Variants in RTL1 observed in about 807,000 individuals in gnomAD.
The protein encoded by RTL1 is retrotransposon Gag like 1.
For synonymous variants in RTL1, 727 were observed against 748.4 expected (o/e 0.97, Z 0.47); for missense variants, 1,681 against 1,767.5 (o/e 0.95, Z 0.88).
chr14:100,890,850 G>A (rs1324463589), intron 3 of RTL1, among the ~76,000 whole-genome samples: 1 of 152,168 alleles, frequency 6.6e-6, no homozygotes, highest in Admixed American at 6.5e-5. Context: ...GTGGATGGAA[G>A]GCACAGCGTC....
At chr14:100,892,841 G>A (rs200364278) in intron 3 of RTL1, among the ~76,000 whole-genome samples, 1 of 152,132 alleles carries the variant, frequency 6.6e-6, no homozygotes, top group Non-Finnish European at 1.5e-5. Context: ...TGTGTCAGGC[G>A]TGATTCTAGC....
chr14:100,891,389 A>C (rs1359551201), intron 3 of RTL1, among the ~76,000 whole-genome samples: 3 of 152,176 alleles, frequency 2.0e-5, no homozygotes, highest in African/African-American at 7.2e-5. Flanking sequence ...AGTCTTTGGA[A>C]GGAGGAACAG....
At position 100,883,221 on chromosome 14, in the gene RTL1, C is replaced by CAGCG. The variant is rs1264326756; in HGVS notation, c.1564_1567dup (p.Cys523SerfsTer46). On this transcript the variant is annotated frameshift_variant, in exon 4 of 4. Transcript: ENST00000649591. LOFTEE classifies it low-confidence loss of function (END_TRUNC). The surrounding 1 kb of genome is among the most constrained non-coding windows in gnomAD (Gnocchi z 5.9). ...CAGGCAGTAGGGAGAGTGGAAGGTG[C>CAGCG]AGCGGCCTTTGATCCAGTCGACTTC... 1 of 1,553,670 alleles carries CAGCG rather than the reference C, an allele frequency of 6.4e-7. No homozygotes were observed. Among genetic ancestry groups the CAGCG allele is most frequent in the African/African-American group, 1.4e-5 (1 of 73,152 alleles).
intron 2 of RTL1, among the ~76,000 whole-genome samples, chr14:100,896,582 G>A (rs1048794857): frequency 4.0e-5 from 6 of 151,412 alleles, no homozygotes; most frequent in African/African-American, 1.5e-4. Context: ...GAAGCTTAGT[G>A]TGCAAGCAGG....
At position 100,883,499 on chromosome 14, in the gene RTL1, A is replaced by G; in HGVS notation, c.1290T>C (p.Asp430=). 1 of 1,551,438 alleles carries G rather than the reference A, an allele frequency of 6.4e-7. No individual in the cohort carries two copies. Among genetic ancestry groups the G allele is most frequent in the African/African-American group, 1.4e-5 (1 of 73,150 alleles). ...CCATGAAGTTGCCGTCAGCTCCCGA[A>G]TCCACCAGGGCCTGGACCGCGACGC... is the stretch of plus-strand genomic sequence containing the variant. ...YHSVAVQALV[D]SGADGNFMDE... Residue 430 remains aspartate, a synonymous_variant, in exon 4 of 4, where the codon GAT becomes GAC. Coordinates refer to ENST00000649591, the MANE Select transcript of RTL1 (RefSeq NM_001134888.3). The surrounding 1 kb of genome is among the most constrained non-coding windows in gnomAD (Gnocchi z 5.9).
chr14:100,884,212 T>C lies in RTL1; in HGVS notation c.577A>G (p.Lys193Glu). The change falls in exon 4 of 4, where the codon AAA becomes GAA. Residue 193 changes from lysine to glutamate, a missense_variant. Coordinates refer to ENST00000649591, the MANE Select transcript of RTL1 (RefSeq NM_001134888.3). The stretch of plus-strand genomic sequence containing the variant: ...GGCAGTTGGCCTGCATTGATCCCTT[T>C]GATCAAGATCTCTTCTGCTACTCTC... ...QQRVAEEILI[K>E]GINAGQLPAP... 8.4e-6 allele frequency: 13 copies of C among 1,551,782 alleles called. No individual in the cohort carries two copies. Among genetic ancestry groups the C allele is most frequent in the Non-Finnish European group, 1.1e-5 (13 of 1,146,994 alleles).
intron 2 of RTL1, chr14:100,898,129 G>A: frequency 3.7e-6 from 1 of 267,996 alleles, no homozygotes; most frequent in African/African-American, 2.2e-5. Context: ...GGGAGGAGAA[G>A]CTTTGGTCAC....
chr14:100,894,097 G>A (rs568493984), intron 2 of RTL1, among the ~76,000 whole-genome samples: 3 of 152,262 alleles, frequency 2.0e-5, no homozygotes, highest in African/African-American at 7.2e-5. Context: ...AGCATTTGAG[G>A]TCAGGAGTTC....
intron 2 of RTL1, among the ~76,000 whole-genome samples, chr14:100,894,450 T>A (rs1325947364): frequency 6.6e-6 from 1 of 152,250 alleles, no homozygotes; most frequent in Non-Finnish European, 1.5e-5. Flanking sequence ...GCCACCTGCA[T>A]GCGCCATTCA....
chr14:100,881,407 G>C lies in RTL1; in HGVS notation c.3382C>G (p.Leu1128Val). ...PQPQRSLRLI[L>V]DSSLIAGSSI... ...CTGCCTGCGATGAGGGACGAATCCA[G>C]GATGAGTCGTAGGGAGCGCTGGGGC... The change falls in exon 4 of 4, where the codon CTG becomes GTG. Residue 1128 changes from leucine (L) to valine (V), a missense_variant. By Grantham distance (32) the Leu-to-Val change is conservative. Coordinates refer to ENST00000649591, the MANE Select transcript of RTL1 (RefSeq NM_001134888.3). This position sits in a 1 kb window ranked among gnomAD's most constrained non-coding sequence, Gnocchi z 6.6. The C allele has an allele frequency of 6.4e-7, 1 of 1,550,860 alleles. No homozygotes were observed. Among genetic ancestry groups the C allele is most frequent in the Non-Finnish European group, 8.7e-7 (1 of 1,146,980 alleles).
rs1490853709 is a variant in RTL1, at chr14:100,882,578, G to C, written c.2211C>G (p.Ile737Met). 1.9e-6 allele frequency: 3 copies of C among 1,551,700 alleles called. No individual in the cohort carries two copies. Among genetic ancestry groups the C allele is most frequent in the Non-Finnish European group, 2.6e-6 (3 of 1,147,058 alleles). ...GGTGCTCCTCCTGACTCATTGAGTA[G>C]ATCAGGACTTCCTGGCCATAAGAAA... is the stretch of plus-strand genomic sequence containing the variant. ...FVLSYGQEVL[I>M]YSMSQEEHLH... The change falls in exon 4 of 4, where the codon ATC becomes ATG. Residue 737 changes from isoleucine to methionine, a missense_variant. By Grantham distance (10) the Ile-to-Met change is conservative (BLOSUM62 1). Transcript: ENST00000649591.
chr14:100,886,248 G>A (rs1350643740), intron 3 of RTL1, among the ~76,000 whole-genome samples: 4 of 149,154 alleles, frequency 2.7e-5, no homozygotes, highest in Admixed American at 1.3e-4. Flanking sequence ...TCCCCCTTAC[G>A]TGAAACTCAT....
At chr14:100,891,478 A>C (rs953850560) in intron 3 of RTL1, among the ~76,000 whole-genome samples, 3 of 152,124 alleles carry the variant, frequency 2.0e-5, no homozygotes, top group African/African-American at 7.2e-5. Flanking sequence ...TCTTCTGTAG[A>C]GGGACCCCCA....
In RTL1 at chr14:100,880,989, G is replaced by T; in HGVS notation, c.3800C>A (p.Ala1267Asp). The change falls in exon 4 of 4, where the codon GCC becomes GAC. Residue 1267 changes from alanine (A) to aspartate (D), a missense_variant. Transcript: ENST00000649591. ...GGTGGCTGCTGTGTGGCTGGGTGGG[G>T]CCTCCTGCACGTCGTTGTCCTGCTT... Reference protein sequence around the residue: ...QDKQDNDVQEAPPSHTAATHP... With the variant: ...QDKQDNDVQEDPPSHTAATHP... 1 of 1,562,190 alleles carries T rather than the reference G, an allele frequency of 6.4e-7. No individual in the cohort carries two copies. Among genetic ancestry groups the T allele is most frequent in the Non-Finnish European group, 8.7e-7 (1 of 1,154,044 alleles).
rs1233532654 is a variant in RTL1 at position 100,882,452 on chromosome 14, G to C, written c.2337C>G (p.Gly779=). 6.4e-7 allele frequency: 1 copy of C among 1,552,134 alleles called. No homozygotes were observed. The highest frequency in any genetic ancestry group is 2.0e-5 in the Admixed American group (1 of 51,016). ...QFHRQTVEFL[G]FVVTPKGVKL... is the part of the protein sequence containing the mutation. ...TCACCCCTTTGGGGGTGACGACGAA[G>C]CCCAGGAATTCCACGGTTTGGCGGT... is the stretch of plus-strand genomic sequence containing the variant. The change falls in exon 4 of 4, where the codon GGC becomes GGG. Residue 779 remains glycine (G), a synonymous_variant. Transcript: ENST00000649591.
chr14:100,898,817 A>T (rs546203943), intron 2 of RTL1: 1 of 152,266 alleles, frequency 6.6e-6, no homozygotes, highest in Non-Finnish European at 1.5e-5. Flanking sequence ...CTGTGTTCAG[A>T]AGCCCACCGA....
At chr14:100,885,528 T>G (rs2038686118) in intron 3 of RTL1, among the ~76,000 whole-genome samples, 2 of 151,964 alleles carry the variant, frequency 1.3e-5, no homozygotes, top group South Asian at 2.1e-4. Context: ...TCTGGGTTTT[T>G]TTTTTTTTTT....
intron 2 of RTL1, among the ~76,000 whole-genome samples, chr14:100,898,538 G>A (rs1042404072): frequency 4.6e-5 from 7 of 152,222 alleles, no homozygotes; most frequent in Admixed American, 3.3e-4. Context: ...TGGAGCTTCC[G>A]GGACGGGGTC....
At chr14:100,886,766 G>A (rs1355036215) in intron 3 of RTL1, among the ~76,000 whole-genome samples, 2 of 151,992 alleles carry the variant, frequency 1.3e-5, no homozygotes, top group Admixed American at 1.3e-4. Flanking sequence ...TAATTCATCT[G>A]CAGACTTATC....
Sources: allele counts gnomAD v4.1 joint callset (sites outside exome capture counted in the v4.1 genomes callset), GRCh38; gene constraint gnomAD v4.1.1; non-coding constraint Gnocchi (gnomAD v3.1); transcripts MANE v1.5; gene names NCBI Gene and HGNC (gene_info 2026-07-23, HGNC 2026-07-21).